PROS1: variants seen among roughly 807,000 people sequenced by gnomAD.
The protein encoded by PROS1 is vitamin K-dependent protein S.
PROS1 carries 29 observed loss-of-function variants against 75.9 expected under a neutral mutation model. That is an observed-to-expected ratio of 0.38 (90% CI 0.28 to 0.52). The LOEUF (loss-of-function observed/expected upper bound fraction) is 0.52, where lower values mean the gene tolerates loss of function less well. Among genes scored for constraint, PROS1 ranks in the 20% least tolerant of loss-of-function variants. The pLI, the probability that PROS1 is intolerant of heterozygous loss-of-function variation, is 0.83. For synonymous variants in PROS1, 245 were observed against 280.6 expected (o/e 0.87, Z 1.27); for missense variants, 680 against 810.3 (o/e 0.84, Z 1.95).
chr3:93,924,126 C>T (rs1393271045), intron 3 of PROS1, 114 bp downstream of exon 3: 1 of 691,268 alleles, frequency 1.4e-6, no homozygotes, highest in Non-Finnish European at 2.0e-6. Flanking sequence ...AAACCTCACT[C>T]CCAAGGATAA....
chr3:93,899,093 T>C (rs1468005938), intron 7 of PROS1, among the ~76,000 whole-genome samples: 1 of 151,452 alleles, frequency 6.6e-6, no homozygotes. Flanking sequence ...ATCAAGAACA[T>C]TGGAACACTC....
chr3:93,929,051 T>C (rs115509368), intron 1 of PROS1, among the ~76,000 whole-genome samples: 1,682 of 152,326 alleles, frequency 0.011, 10 homozygotes, highest in Admixed American at 0.028. Context: ...TTAAAGCACA[T>C]ATACTCGTCA....
chr3:93,934,717 A>G (rs527717397), intron 1 of PROS1, among the ~76,000 whole-genome samples: 10 of 152,324 alleles, frequency 6.6e-5, no homozygotes, highest in Middle Eastern at 3.4e-3. Flanking sequence ...GAGTTCTAAA[A>G]CATTAAGGAT....
chr3:93,878,894 T>A (rs1374951530), intron 13 of PROS1, among the ~76,000 whole-genome samples: 1 of 152,014 alleles, frequency 6.6e-6, no homozygotes, highest in African/African-American at 2.4e-5. Context: ...TGTGTGAGAG[T>A]CTGCCTAATC....
At chr3:93,878,816 T>C (rs1708229008) in intron 13 of PROS1, among the ~76,000 whole-genome samples, 1 of 152,172 alleles carries the variant, frequency 6.6e-6, no homozygotes, top group Non-Finnish European at 1.5e-5. Flanking sequence ...TACAGACTAA[T>C]TCCCACAACA....
At chr3:93,913,270 T>C (rs1559937266) in intron 3 of PROS1, among the ~76,000 whole-genome samples, 1 of 152,140 alleles carries the variant, frequency 6.6e-6, no homozygotes, top group South Asian at 2.1e-4. Flanking sequence ...AAATCTCATT[T>C]TGAATTGTAA....
intron 1 of PROS1, among the ~76,000 whole-genome samples, chr3:93,929,169 C>T (rs1286356030): frequency 6.6e-6 from 1 of 152,128 alleles, no homozygotes; most frequent in African/African-American, 2.4e-5. Context: ...TTAAAAATGA[C>T]TTAAATATCT....
At chr3:93,886,770 ATCCAGTTATATATCTTTCAAT>A (rs2107140674) in intron 10 of PROS1, among the ~76,000 whole-genome samples, 1 of 152,338 alleles carries the variant, frequency 6.6e-6, no homozygotes, top group South Asian at 2.1e-4. Context: ...AAGCTTAAAC[ATCCAGTTATATATCTTTCAAT>A]TCCAGGCTGC....
chr3:93,931,477 C>T (rs2107209786), intron 1 of PROS1, among the ~76,000 whole-genome samples: 1 of 152,308 alleles, frequency 6.6e-6, no homozygotes. Flanking sequence ...TGGGCAGCTT[C>T]ATGTTGATGC....
intron 9 of PROS1, 143 bp downstream of exon 9, chr3:93,896,433 T>G (rs1708502007): frequency 2.8e-6 from 2 of 726,252 alleles, no homozygotes; most frequent in African/African-American, 1.8e-5. Context: ...TAACTTTAGG[T>G]TTCCCCAAGT....
intron 1 of PROS1, among the ~76,000 whole-genome samples, chr3:93,952,017 A>C (rs1709506869): frequency 1.3e-5 from 2 of 152,234 alleles, no homozygotes; most frequent in African/African-American, 4.8e-5. Context: ...GGATCAATTC[A>C]ACAAGAAGAG....
intron 12 of PROS1, 30 bp downstream of exon 12, chr3:93,884,698 G>T (rs1240713289): frequency 3.2e-6 from 5 of 1,587,206 alleles, no homozygotes; most frequent in Admixed American, 1.7e-5. Flanking sequence ...TCATTAATGA[G>T]AAAATAGAGA....
Position 93,946,723 on chromosome 3 carries a change from T to C in PROS1, c.77-19316A>G, listed in dbSNP as rs139668862. Among the ~76,000 whole-genome samples, 476 of 150,434 alleles carry C rather than the reference T, an allele frequency of 3.2e-3. 3 individuals are homozygous for C. Among genetic ancestry groups the C allele is most frequent in the African/African-American group, 0.011 (445 of 40,870 alleles). ...AAACCCTAGAAGAAAACCTAAGGAA[T>C]ACCATTCAGGCCACAGGCATGGGCA... On this transcript the variant is annotated intron_variant, in intron 1 of 14. Transcript: ENST00000394236.
chr3:93,917,399 A>G (rs1488284182), intron 3 of PROS1, among the ~76,000 whole-genome samples: 1 of 152,178 alleles, frequency 6.6e-6, no homozygotes, highest in East Asian at 1.9e-4. Flanking sequence ...TCCTGGGTTC[A>G]AGTGATTCTT....
chr3:93,937,002 A>T (rs1709193758), intron 1 of PROS1, among the ~76,000 whole-genome samples: 1 of 152,226 alleles, frequency 6.6e-6, no homozygotes, highest in Non-Finnish European at 1.5e-5. Flanking sequence ...TGGAAAGCTG[A>T]TGAGAACCTG....
At chr3:93,881,272 T>C (rs956120167) in intron 12 of PROS1, among the ~76,000 whole-genome samples, 4 of 152,006 alleles carry the variant, frequency 2.6e-5, no homozygotes, top group African/African-American at 7.2e-5. Flanking sequence ...CAGTGAGCCA[T>C]GATTGCACCA....
intron 3 of PROS1, among the ~76,000 whole-genome samples, chr3:93,912,443 T>C (rs533694592): frequency 7.9e-5 from 12 of 152,186 alleles, no homozygotes; most frequent in African/African-American, 2.4e-4. Context: ...AGGACATAGA[T>C]ATGTCTGGGG....
intron 4 of PROS1, among the ~76,000 whole-genome samples, chr3:93,908,138 A>T (rs982237780): frequency 1.3e-5 from 2 of 152,220 alleles, no homozygotes; most frequent in Non-Finnish European, 2.9e-5. Flanking sequence ...TCTCTCAAAA[A>T]AAAAGAAAAA....
At chr3:93,880,246 G>C (rs1361747352) in intron 12 of PROS1, among the ~76,000 whole-genome samples, 1 of 152,090 alleles carries the variant, frequency 6.6e-6, no homozygotes, top group South Asian at 2.1e-4. Flanking sequence ...CGGGTACGGT[G>C]GCACATGCCT....
Sources: gnomAD v4.1 joint callset for allele counts (sites outside exome capture counted in the v4.1 genomes callset) on GRCh38, gnomAD v4.1.1 for gene constraint, MANE v1.5 for transcripts, NCBI Gene and HGNC (gene_info 2026-07-23, HGNC 2026-07-21) for gene names.